Variants in PTPRD observed in about 807,000 individuals in gnomAD.
PTPRD encodes the protein receptor-type tyrosine-protein phosphatase delta.
A neutral mutation model predicts 214.5 loss-of-function variants in PTPRD; 34 were observed. That is an observed-to-expected ratio of 0.16 (90% CI 0.12 to 0.21). The LOEUF (loss-of-function observed/expected upper bound fraction) is 0.21, where lower values mean the gene tolerates loss of function less well. Ranked by LOEUF, PTPRD falls within the 10% of genes least tolerant of loss-of-function variation. PTPRD has a pLI of 1.00. For synonymous variants in PTPRD, 1,128 were observed against 845.7 expected (o/e 1.33, Z -5.79); for missense variants, 2,545 against 2,398.7 (o/e 1.06, Z -1.27).
At chr9:10,395,483 CA>C (rs1269568029) in intron 2 of PTPRD, among the ~76,000 whole-genome samples, 3 of 151,904 alleles carry the variant, frequency 2.0e-5, no homozygotes, top group Non-Finnish European at 4.4e-5. Flanking sequence ...AAAATACTAT[CA>C]TTACTGAAAA....
chr9:10,400,685 AT>A (rs1390764888), intron 2 of PTPRD, among the ~76,000 whole-genome samples: 11 of 151,766 alleles, frequency 7.2e-5, no homozygotes, highest in East Asian at 2.0e-4. Context: ...TCTAAAAAAA[AT>A]AATAATAATC....
At chr9:9,531,171 C>T (rs1160785382) in intron 8 of PTPRD, among the ~76,000 whole-genome samples, 2 of 152,064 alleles carry the variant, frequency 1.3e-5, no homozygotes, top group African/African-American at 4.8e-5. Context: ...ATGTAAATTA[C>T]ATATCAATTT....
chr9:8,395,195 C>G (rs923889059), intron 36 of PTPRD, among the ~76,000 whole-genome samples: 1 of 152,088 alleles, frequency 6.6e-6, no homozygotes, highest in Non-Finnish European at 1.5e-5. Context: ...GACAGAAGTA[C>G]TCAAGACCCG....
chr9:9,832,811 T>C (rs921759648), intron 5 of PTPRD, among the ~76,000 whole-genome samples: 25 of 151,952 alleles, frequency 1.6e-4, no homozygotes, highest in African/African-American at 5.5e-4. Flanking sequence ...ACATGCTGAC[T>C]GTAGCAGAGC....
rs2138922689 is a variant in PTPRD at position 8,521,565 on chromosome 9, G to A, written c.692-19C>T. On this transcript the variant is annotated intron_variant, in intron 19 of 45. Coordinates refer to ENST00000381196, the MANE Select transcript of PTPRD (RefSeq NM_002839.4). ...CGGCGAACTGGAACAAAACACAAGG[G>A]AAATGATAACATATACAAGGCAAGA... 3 of 1,609,516 alleles carry A rather than the reference G, an allele frequency of 1.9e-6. No homozygotes were observed. The highest frequency in any genetic ancestry group is 8.5e-7 in the Non-Finnish European group (1 of 1,177,564).
chr9:9,965,413 T>A (rs955255251), intron 4 of PTPRD, among the ~76,000 whole-genome samples: 1 of 152,108 alleles, frequency 6.6e-6, no homozygotes, highest in Non-Finnish European at 1.5e-5. Context: ...TAGTCACGGA[T>A]TAGCAGAAAA....
rs1483396268 is a variant in PTPRD at position 9,900,646 on chromosome 9, T to TTTTTTTGTTTTTTTTTTG, written c.-368+37860_-368+37861insCAAAAAAAAAACAAAAAA. Reference sequence around the variant, plus strand: ...AGGTGCTTCCACATTTTCAGGTTTTTTTTTTTTTTGAGATGGAGTCTTGCT... The same window carrying TTTTTTTGTTTTTTTTTTG: ...AGGTGCTTCCACATTTTCAGGTTTTTTTTTTTGTTTTTTTTTTGTTTTTTTTTGAGATGGAGTCTTGCT... On this transcript the variant is annotated intron_variant, in intron 5 of 45. Coordinates refer to ENST00000381196, the MANE Select transcript of PTPRD (RefSeq NM_002839.4). Among the ~76,000 whole-genome samples the TTTTTTTGTTTTTTTTTTG allele has an allele frequency of 4.2e-4, 62 of 147,570 alleles. 1 individual carries two copies. Among genetic ancestry groups the TTTTTTTGTTTTTTTTTTG allele is most frequent in the African/African-American group, 1.6e-3 (60 of 37,530 alleles).
intron 4 of PTPRD, among the ~76,000 whole-genome samples, chr9:10,017,510 T>A (rs1322487241): frequency 6.6e-6 from 1 of 152,140 alleles, no homozygotes; most frequent in Admixed American, 6.6e-5. Flanking sequence ...ATCCTCCACA[T>A]CTTAACTATA....
At chr9:8,762,758 C>T (rs2094489652) in intron 11 of PTPRD, among the ~76,000 whole-genome samples, 2 of 152,176 alleles carry the variant, frequency 1.3e-5, no homozygotes, top group Non-Finnish European at 2.9e-5. Context: ...GGAAAAACGT[C>T]TCTCTTTATG....
In PTPRD at chr9:9,768,092, T is replaced by C. The variant is rs118146792; in HGVS notation, c.-367-1241A>G. Among the ~76,000 whole-genome samples the C allele has an allele frequency of 3.3e-5, 5 of 152,298 alleles. No homozygotes were observed. In the East Asian group the frequency reaches 5.8e-4, roughly 18 times the overall value. On this transcript the variant is annotated intron_variant, in intron 5 of 45. Coordinates refer to ENST00000381196, the MANE Select transcript of PTPRD (RefSeq NM_002839.4). Reference sequence around the variant, plus strand: ...AAATACATTTATGCTTGTGGTTTTATACATATATAAAATCCCCTAGGCCAA... The same window carrying C: ...AAATACATTTATGCTTGTGGTTTTACACATATATAAAATCCCCTAGGCCAA...
At chr9:10,179,838 G>C (rs2099271557) in intron 3 of PTPRD, among the ~76,000 whole-genome samples, 1 of 152,042 alleles carries the variant, frequency 6.6e-6, no homozygotes. Flanking sequence ...TTGACTAGAA[G>C]ATGATACTAT....
intron 4 of PTPRD, among the ~76,000 whole-genome samples, chr9:10,015,939 T>C (rs1039499694): frequency 8.5e-5 from 13 of 152,168 alleles, no homozygotes; most frequent in African/African-American, 3.1e-4. Context: ...TAAACCTCTC[T>C]CTCTAATTAC....
intron 5 of PTPRD, among the ~76,000 whole-genome samples, chr9:9,796,375 T>C (rs1337924985): frequency 2.6e-5 from 4 of 152,290 alleles, no homozygotes; most frequent in African/African-American, 4.8e-5. Context: ...ATTTTAGATA[T>C]GTGCTGTCTG....
chr9:9,441,061 T>C (rs2087500039), intron 8 of PTPRD, among the ~76,000 whole-genome samples: 1 of 152,188 alleles, frequency 6.6e-6, no homozygotes, highest in African/African-American at 2.4e-5. Context: ...GGCTGGGTCT[T>C]TATATCATTA....
At chr9:9,115,378 A>T (rs1462561456) in intron 10 of PTPRD, among the ~76,000 whole-genome samples, 1 of 152,194 alleles carries the variant, frequency 6.6e-6, no homozygotes, top group Non-Finnish European at 1.5e-5. Context: ...ATAGGAAAAA[A>T]TGTTCACCAT....
intron 9 of PTPRD, among the ~76,000 whole-genome samples, chr9:9,307,446 C>G (rs1374484436): frequency 6.6e-6 from 1 of 152,176 alleles, no homozygotes; most frequent in African/African-American, 2.4e-5. Flanking sequence ...ACCATCTTTA[C>G]TCATAAGCTT....
chr9:10,253,368 C>G (rs959310462), intron 3 of PTPRD, among the ~76,000 whole-genome samples: 6 of 152,140 alleles, frequency 3.9e-5, no homozygotes, highest in Admixed American at 3.3e-4. Flanking sequence ...CTTATGGGGC[C>G]AGCTGAAGAA....
chr9:9,981,701 TG>T (rs2095549876), intron 4 of PTPRD, among the ~76,000 whole-genome samples: 1 of 152,188 alleles, frequency 6.6e-6, no homozygotes, highest in African/African-American at 2.4e-5. Context: ...CGCATTAAAT[TG>T]GGTTCCAATG....
chr9:10,542,641 T>A (rs1340108912), intron 2 of PTPRD, among the ~76,000 whole-genome samples: 1 of 152,170 alleles, frequency 6.6e-6, no homozygotes, highest in Non-Finnish European at 1.5e-5. Flanking sequence ...ACCTTTATAT[T>A]GGTAACACAT....
Sources: gnomAD v4.1 joint callset for allele counts (sites outside exome capture counted in the v4.1 genomes callset) on GRCh38, gnomAD v4.1.1 for gene constraint, MANE v1.5 for transcripts, NCBI Gene and HGNC (gene_info 2026-07-23, HGNC 2026-07-21) for gene names.